The following ACAP1 variants were observed in gnomAD, a reference collection of about 807,000 sequenced individuals.
ACAP1 encodes ArfGAP with coiled-coil, ankyrin repeat and PH domains 1, also known as arf-GAP with coiled-coil, ANK repeat and PH domain-containing protein 1.
Under a neutral mutation model 98.8 loss-of-function variants are expected in ACAP1, and 45 were observed. That is an observed-to-expected ratio of 0.46 (90% CI 0.36 to 0.58). ACAP1 has a LOEUF of 0.58. ACAP1 is among the 20% of genes least tolerant of loss of function. The pLI is 0.00. For missense variants in ACAP1, 735 were observed against 971.4 expected (o/e 0.76, Z 3.24); for synonymous variants, 362 against 375.3 (o/e 0.96, Z 0.41).
At chr17:7,347,526 G>A (rs1360957783) in intron 14 of ACAP1, 3 of 512,324 alleles carry the variant, frequency 5.9e-6, no homozygotes, top group Non-Finnish European at 1.0e-5. Flanking sequence ...GAGGGTGGGG[G>A]AGCCAGTGAA....
chr17:7,342,277 G>A lies in ACAP1; in HGVS notation c.234G>A (p.Glu78=), dbSNP rs2073291578. Residue 78 remains glutamate (E), a splice_region_variant and synonymous_variant, in exon 4 of 22, where the codon GAG becomes GAA. Coordinates refer to ENST00000158762, the MANE Select transcript of ACAP1 (RefSeq NM_014716.4). ...RLGPPEPMMA[E]CLEKFTVSLN... ...TTTCTGTGCCTCTTCTTGCCTAGGA[G>A]TGTCTGGAAAAATTCACCGTGAGCC... is the stretch of plus-strand genomic sequence containing the variant. 1.2e-6 allele frequency: 2 copies of A among 1,614,128 alleles called. No homozygotes were observed. The highest frequency in any genetic ancestry group is 1.7e-6 in the Non-Finnish European group (2 of 1,180,008).
Position 7,340,552 on chromosome 17 carries a change from G to C in ACAP1, c.112-1396G>C, listed in dbSNP as rs532284802. ...CCCATGGTGATGTCTGATAAGATTT[G>C]ATCTCGGTCAGGCCAGGTGCAGTGG... On this transcript the variant is annotated intron_variant, in intron 2 of 21. Coordinates refer to ENST00000158762, the MANE Select transcript of ACAP1 (RefSeq NM_014716.4). 5.3e-5 allele frequency among the ~76,000 whole-genome samples: 8 copies of C among 152,258 alleles called. 1 individual carries two copies. In the South Asian group the frequency reaches 1.7e-3, roughly 32 times the overall value.
chr17:7,343,312 C>T lies in ACAP1; in HGVS notation c.345-67C>T. ...TAACTGAAAGGACATGAGGGCTTTA[C>T]CCTGGGAATGCTCTGCTGGGGCAGG... On this transcript the variant is annotated intron_variant, in intron 5 of 21. Transcript: ENST00000158762. The surrounding 1 kb of genome is among the most constrained non-coding windows in gnomAD (Gnocchi z 4.9). 6.6e-7 allele frequency: 1 copy of T among 1,514,016 alleles called. No individual in the cohort carries two copies. 93.8% of individuals were successfully genotyped at this position (1,514,016 alleles called of 1,614,324 possible).
chr17:7,336,637 C>A lies in ACAP1; in HGVS notation c.-98C>A. On this transcript the variant is annotated 5_prime_UTR_variant, in exon 1 of 22. Transcript: ENST00000158762. ...CCCCGCGGAGGTCCCTCTCCTCCTT[C>A]CCCCTCATCTCCCCTTCCTGGGACA... 3 of 1,312,692 alleles carry A rather than the reference C, an allele frequency of 2.3e-6. No homozygotes were observed. In the South Asian group the frequency reaches 3.5e-5, roughly 15 times the overall value. 81.3% of individuals were successfully genotyped at this position (1,312,692 alleles called of 1,614,324 possible).
chr17:7,349,090 C>T lies in ACAP1; in HGVS notation c.1774C>T (p.Leu592Phe), dbSNP rs2073377303. 6.2e-7 allele frequency: 1 copy of T among 1,614,048 alleles called. No individual in the cohort carries two copies. Among genetic ancestry groups the T allele is most frequent in the Non-Finnish European group, 8.5e-7 (1 of 1,180,000 alleles). ...PPSLPTMADA[L>F]AHGADVNWVN... ...ATCTCTTCCCACCATGGCTGATGCCCTTGCCCATGGAGCTGATGTCAACTG... is the reference window on the plus strand; with the variant it reads ...ATCTCTTCCCACCATGGCTGATGCCTTTGCCCATGGAGCTGATGTCAACTG... The change falls in exon 18 of 22, where the codon CTT becomes TTT. Residue 592 changes from leucine (L) to phenylalanine (F), a missense_variant. Physicochemically the swap from Leu to Phe is conservative, Grantham distance 22. Coordinates refer to ENST00000158762, the MANE Select transcript of ACAP1 (RefSeq NM_014716.4).
chr17:7,346,513 GAT>G (rs1267318340), intron 12 of ACAP1, 22 bp downstream of exon 12: 1 of 1,565,182 alleles, frequency 6.4e-7, no homozygotes, highest in African/African-American at 1.4e-5. Context: ...CCCCAGGGGT[GAT>G]ACTCTAATAT....
Position 7,344,103 on chromosome 17 carries a change from C to T in ACAP1, c.724C>T (p.His242Tyr), listed in dbSNP as rs1320406090. 13 of 1,582,220 alleles carry T rather than the reference C, an allele frequency of 8.2e-6. No homozygotes were observed. Among genetic ancestry groups the T allele is most frequent in the Admixed American group, 1.8e-5 (1 of 55,678 alleles). ...AREKRDMEQRHVLLKQKELGG... is the reference protein window; with the variant it reads ...AREKRDMEQRYVLLKQKELGG... Reference sequence around the variant, plus strand: ...AGAGAAGAGGGACATGGAGCAGAGACACGTGCTGCTGAAACAGAAGGTGAG... The same window carrying T: ...AGAGAAGAGGGACATGGAGCAGAGATACGTGCTGCTGAAACAGAAGGTGAG... The change falls in exon 9 of 22, where the codon CAC becomes TAC. Residue 242 changes from histidine to tyrosine, a missense_variant. Transcript: ENST00000158762. The surrounding 1 kb of genome is among the most constrained non-coding windows in gnomAD (Gnocchi z 4.9).
chr17:7,343,484 G>A lies in ACAP1; in HGVS notation c.450G>A (p.Gln150=). ...HNAEVPRRRA[Q]EAEEAGAALR... ...CAGAGGTTCCCAGGCGCCGGGCCCA[G>A]GAGGCAGAAGAGGCAGGAGCTGCTT... The change falls in exon 6 of 22, where the codon CAG becomes CAA. Residue 150 remains glutamine (Q), a synonymous_variant. Transcript: ENST00000158762. This position sits in a 1 kb window ranked among gnomAD's most constrained non-coding sequence, Gnocchi z 4.9. 2 of 1,614,136 alleles carry A rather than the reference G, an allele frequency of 1.2e-6. No individual in the cohort carries two copies. Among genetic ancestry groups the A allele is most frequent in the Non-Finnish European group, 1.7e-6 (2 of 1,180,000 alleles).
intron 10 of ACAP1, chr17:7,345,414 CCT>C (rs2073336749): frequency 6.6e-6 from 1 of 151,958 alleles, no homozygotes. Context: ...ACCTCTATCC[CCT>C]GAGTTCAAGT....
Position 7,344,119 on chromosome 17 carries a change from A to G in ACAP1, c.740A>G (p.Gln247Arg). Reference protein sequence around the residue: ...DMEQRHVLLKQKELGGEEPEP... With the variant: ...DMEQRHVLLKRKELGGEEPEP... The stretch of plus-strand genomic sequence containing the variant: ...GAGCAGAGACACGTGCTGCTGAAAC[A>G]GAAGGTGAGGGGCCAGGTGCGGTGG... Residue 247 changes from glutamine (Q) to arginine (R), a missense_variant, in exon 9 of 22, where the codon CAG (glutamine) becomes CGG (arginine). This residue lies in a region of ACAP1 where 430 missense variants were observed against 531.8 expected (regional missense o/e 0.81). Transcript: ENST00000158762. This position sits in a 1 kb window ranked among gnomAD's most constrained non-coding sequence, Gnocchi z 4.9. 6.4e-7 allele frequency: 1 copy of G among 1,572,742 alleles called. No individual in the cohort carries two copies. Among genetic ancestry groups the G allele is most frequent in the Non-Finnish European group, 8.6e-7 (1 of 1,158,606 alleles).
rs72840981 is a variant in ACAP1 at position 7,337,545 on chromosome 17, G to A, written c.111+176G>A. Among the ~76,000 whole-genome samples, 1,057 of 152,244 alleles carry A rather than the reference G, an allele frequency of 6.9e-3. 4 individuals carry two copies. Among genetic ancestry groups the A allele is most frequent in the Non-Finnish European group, 0.011 (772 of 68,020 alleles). On this transcript the variant is annotated intron_variant, in intron 2 of 21. Coordinates refer to ENST00000158762, the MANE Select transcript of ACAP1 (RefSeq NM_014716.4). ...GGTTCTGTACCGACAAGAAGCTCAG[G>A]ATCTTGGAAAACAAGACTTACTTTT...
At chr17:7,347,840 C>T (rs72840986) in intron 14 of ACAP1, 82 bp from the exon 15 acceptor site, 113,395 of 1,241,782 alleles carry the variant, frequency 0.091, 5,792 homozygotes, top group Non-Finnish European at 0.11. Flanking sequence ...GCCTTGCCTC[C>T]CAGTGTCTTC....
At chr17:7,345,935 T>A (rs2073341757) in intron 10 of ACAP1, 2 of 316,642 alleles carry the variant, frequency 6.3e-6, no homozygotes, top group Non-Finnish European at 1.2e-5. Context: ...GGATTACAGG[T>A]GTGAGCCCAG....
chr17:7,350,944 C>T lies in ACAP1; in HGVS notation c.2073-6C>T, dbSNP rs759570554. The stretch of plus-strand genomic sequence containing the variant: ...GTCGTTCATTTCTTAATTCCCTCCT[C>T]TTCAGGCTACGACTGGCAAAGATGA... On this transcript the variant is annotated splice_polypyrimidine_tract_variant and splice_region_variant and intron_variant, in intron 20 of 21. Transcript: ENST00000158762. This position sits in a 1 kb window ranked among gnomAD's most constrained non-coding sequence, Gnocchi z 4.6. 8 of 1,614,120 alleles carry T rather than the reference C, an allele frequency of 5.0e-6. No homozygotes were observed. Among genetic ancestry groups the T allele is most frequent in the Non-Finnish European group, 6.8e-6 (8 of 1,179,994 alleles).
Position 7,337,384 on chromosome 17 carries a change from G to A in ACAP1, c.111+15G>A. ...GTCTGGAAAAGGTGACCCTGACATG[G>A]AGAGGTGACCCAGGAGTGGATTAGG... On this transcript the variant is annotated intron_variant, in intron 2 of 21. Coordinates refer to ENST00000158762, the MANE Select transcript of ACAP1 (RefSeq NM_014716.4). The A allele has an allele frequency of 6.2e-7, 1 of 1,613,622 alleles. No homozygotes were observed. Among genetic ancestry groups the A allele is most frequent in the South Asian group, 1.1e-5 (1 of 91,076 alleles).
Position 7,350,091 on chromosome 17 carries a change from G to A in ACAP1, c.1962-36G>A. ...GGCATGGGGAGGAAGGCTGGGAGAAGTTGGGCGGCCGGCTGACCCTGGCTC... is the reference window on the plus strand; with the variant it reads ...GGCATGGGGAGGAAGGCTGGGAGAAATTGGGCGGCCGGCTGACCCTGGCTC... On this transcript the variant is annotated intron_variant, in intron 19 of 21. Transcript: ENST00000158762. The surrounding 1 kb of genome is among the most constrained non-coding windows in gnomAD (Gnocchi z 4.6). 3.7e-6 allele frequency: 6 copies of A among 1,613,518 alleles called. No homozygotes were observed. The highest frequency in any genetic ancestry group is 5.1e-6 in the Non-Finnish European group (6 of 1,179,502).
rs148651913 is a variant in ACAP1 at position 7,351,332 on chromosome 17, C to T, written c.2160C>T (p.Ser720=). The change falls in exon 22 of 22, where the codon TCC becomes TCT. Residue 720 remains serine, a synonymous_variant. Coordinates refer to ENST00000158762, the MANE Select transcript of ACAP1 (RefSeq NM_014716.4). The part of the protein sequence containing the change: ...ETYLDIFRDF[S]LMASDDPEKL... The stretch of plus-strand genomic sequence containing the variant: ...ATCTTGACATCTTCCGCGACTTCTC[C>T]CTCATGGCGTCAGACGACCCGGAGA... 7 of 1,613,920 alleles carry T rather than the reference C, an allele frequency of 4.3e-6. No individual in the cohort carries two copies. Among genetic ancestry groups the T allele is most frequent in the Admixed American group, 3.3e-5 (2 of 60,008 alleles).
At chr17:7,346,008 A>G (rs896935327) in intron 10 of ACAP1, 2 of 512,788 alleles carry the variant, frequency 3.9e-6, no homozygotes, top group African/African-American at 3.8e-5. Flanking sequence ...TTTTACTGCC[A>G]TCTGCTGGAA....
At chr17:7,348,831 A>G (rs2073374384) in intron 17 of ACAP1, 164 bp from the exon 18 acceptor site, 1 of 665,640 alleles carries the variant, frequency 1.5e-6, no homozygotes, top group African/African-American at 1.8e-5. Flanking sequence ...ATGCATACGC[A>G]TACTTACACA....
Sources: allele counts gnomAD v4.1 joint callset (sites outside exome capture counted in the v4.1 genomes callset), GRCh38; gene constraint gnomAD v4.1.1; regional missense constraint gnomAD v4.1.1; non-coding constraint Gnocchi (gnomAD v3.1); transcripts MANE v1.5; gene names NCBI Gene and HGNC (gene_info 2026-07-23, HGNC 2026-07-21).